Variants in ZIM3 observed in about 807,000 individuals in gnomAD.
The protein encoded by ZIM3 is zinc finger protein 657.
In ZIM3, 11 loss-of-function variants were observed where a neutral mutation model predicts 12.9. That is an observed-to-expected ratio of 0.85 (90% CI 0.54 to 1.41). ZIM3 has a LOEUF of 1.41. Ranked by LOEUF, ZIM3 falls within the 40% of genes most tolerant of loss-of-function variation. ZIM3 has a pLI of 0.00. For missense variants in ZIM3, 604 were observed against 557.2 expected (o/e 1.08, Z -0.85); for synonymous variants, 205 against 198.5 (o/e 1.03, Z -0.28).
rs2086884794 is a variant in ZIM3 at position 57,135,933 on chromosome 19, G to T, written c.404C>A (p.Ser135Tyr). The part of the protein sequence containing the change: ...KILPLGIDDV[S>Y]SLQHYVQNNS... Reference sequence around the variant, plus strand: ...ATTTTGTACATAGTGTTGCAAGGAAGATACATCATCTATGCCCAGTGGAAG... The same window carrying T: ...ATTTTGTACATAGTGTTGCAAGGAATATACATCATCTATGCCCAGTGGAAG... The change falls in exon 5 of 5, where the codon TCT becomes TAT. Residue 135 changes from serine (S) to tyrosine (Y), a missense_variant. By Grantham distance (144) the Ser-to-Tyr change is moderately radical (BLOSUM62 -2). Coordinates refer to ENST00000269834, the MANE Select transcript of ZIM3 (RefSeq NM_052882.1). The T allele has an allele frequency of 3.7e-6, 6 of 1,614,018 alleles. No individual in the cohort carries two copies. The highest frequency in any genetic ancestry group is 1.3e-5 in the African/African-American group (1 of 74,926).
chr19:57,144,058 T>TTTTA (rs1292003460), intron 1 of ZIM3, among the ~76,000 whole-genome samples: 1 of 151,918 alleles, frequency 6.6e-6, no homozygotes, highest in Non-Finnish European at 1.5e-5. Context: ...TTATTTTTTA[T>TTTTA]TTTATTTTAT....
chr19:57,143,023 G>A (rs986881628), intron 1 of ZIM3, among the ~76,000 whole-genome samples: 1 of 151,866 alleles, frequency 6.6e-6, no homozygotes, highest in African/African-American at 2.4e-5. Context: ...GTGAAACCCC[G>A]TCTCTACTAA....
intron 4 of ZIM3, among the ~76,000 whole-genome samples, chr19:57,136,445 C>T (rs1389062446): frequency 6.6e-6 from 1 of 151,676 alleles, no homozygotes; most frequent in African/African-American, 2.4e-5. Flanking sequence ...GGTGGATTGC[C>T]TGAGGTCGGG....
rs1158288853 is a variant in ZIM3 at position 57,135,104 on chromosome 19, T to C, written c.1233A>G (p.Lys411=). The change falls in exon 5 of 5, where the codon AAA becomes AAG. Residue 411 remains lysine (K), a synonymous_variant. Transcript: ENST00000269834. ...FQKSNLHSHQ[K]THSGERTYRC... ...TATAGGTCCTCTCTCCGCTATGAGT[T>C]TTCTGATGGCTATGAAGGTTTGACT... 5 of 1,614,222 alleles carry C rather than the reference T, an allele frequency of 3.1e-6. No individual in the cohort carries two copies. The highest frequency in any genetic ancestry group is 1.1e-5 in the South Asian group (1 of 91,080).
At chr19:57,136,216 A>G (rs976989897) in intron 4 of ZIM3, 121 bp from the exon 5 acceptor site, 9 of 872,804 alleles carry the variant, frequency 1.0e-5, no homozygotes, top group African/African-American at 5.1e-5. Context: ...TCTACGAGAA[A>G]CCAAAGTTAA....
At position 57,135,394 on chromosome 19, in the gene ZIM3, C is replaced by T. The variant is rs760603784; in HGVS notation, c.943G>A (p.Ala315Thr). ...KPFQCTDCGK[A>T]FIYKSDLVKH... ...ACAAGATCTGACTTGTAAATGAAAG[C>T]CTTTCCACAGTCCGTACATTGAAAG... The change falls in exon 5 of 5, where the codon GCT (alanine) becomes ACT (threonine). Residue 315 changes from alanine to threonine, a missense_variant. Transcript: ENST00000269834. The T allele has an allele frequency of 5.0e-6, 8 of 1,613,838 alleles. No individual in the cohort carries two copies. The highest frequency in any genetic ancestry group is 6.8e-6 in the Non-Finnish European group (8 of 1,179,936).
Position 57,135,952 on chromosome 19 carries a change from G to A in ZIM3, c.385C>T (p.Leu129=). Residue 129 remains leucine, a synonymous_variant, in exon 5 of 5, where the codon CTG becomes TTG. Coordinates refer to ENST00000269834, the MANE Select transcript of ZIM3 (RefSeq NM_052882.1). ...AAGGAAGATACATCATCTATGCCCA[G>A]TGGAAGTATTTTCTTAGATCCGTCA... The part of the protein sequence containing the change: ...ECDGSKKILP[L]GIDDVSSLQH... 6.2e-7 allele frequency: 1 copy of A among 1,614,142 alleles called. No homozygotes were observed. Among genetic ancestry groups the A allele is most frequent in the South Asian group, 1.1e-5 (1 of 91,078 alleles).
At chr19:57,138,918 T>C (rs753485353) in intron 2 of ZIM3, among the ~76,000 whole-genome samples, 5 of 152,192 alleles carry the variant, frequency 3.3e-5, no homozygotes, top group Non-Finnish European at 5.9e-5. Flanking sequence ...AGGCCGAGTA[T>C]GGTGGCTCAC....
At position 57,135,793 on chromosome 19, in the gene ZIM3, G is replaced by A; in HGVS notation, c.544C>T (p.Leu182Phe). 1 of 1,614,022 alleles carries A rather than the reference G, an allele frequency of 6.2e-7. No individual in the cohort carries two copies. Among genetic ancestry groups the A allele is most frequent in the Non-Finnish European group, 8.5e-7 (1 of 1,179,992 alleles). ...CRKLFSSKSR[L>F]QSHLRRHACQ... ...GCATGCCTCCTCAGGTGACTTTGAA[G>A]GCGTGACTTTGAACTGAATAACTTT... The change falls in exon 5 of 5, where the codon CTT (leucine) becomes TTT (phenylalanine). Residue 182 changes from leucine (L) to phenylalanine (F), a missense_variant. Leu to Phe is a conservative substitution (Grantham distance 22). Coordinates refer to ENST00000269834, the MANE Select transcript of ZIM3 (RefSeq NM_052882.1).
intron 4 of ZIM3, among the ~76,000 whole-genome samples, chr19:57,136,668 A>G (rs2086888393): frequency 1.3e-5 from 1 of 77,352 alleles, no homozygotes; most frequent in African/African-American, 6.0e-5. Context: ...TCCAGAAAAA[A>G]AAAAAAAAGA....
In ZIM3 at chr19:57,138,128, G is replaced by C. The variant is rs1599922532; in HGVS notation, c.142+344C>G. Among the ~76,000 whole-genome samples the C allele has an allele frequency of 1.5e-5, 2 of 137,030 alleles. 1 individual carries two copies. The highest frequency in any genetic ancestry group is 4.7e-4 in the South Asian group (2 of 4,218). The allele number at this position is 137,030 out of a possible 152,430, so 89.9% of individuals were successfully genotyped here. The stretch of plus-strand genomic sequence containing the variant: ...GGAAGGAGGCAGGGAGGGAGGGAGG[G>C]AGGGAGGGAGGGAAGGAAGGGAAAG... On this transcript the variant is annotated intron_variant, in intron 3 of 4. Coordinates refer to ENST00000269834, the MANE Select transcript of ZIM3 (RefSeq NM_052882.1).
intron 1 of ZIM3, among the ~76,000 whole-genome samples, chr19:57,143,463 C>A (rs1284031099): frequency 1.3e-5 from 2 of 152,100 alleles, no homozygotes; most frequent in Non-Finnish European, 2.9e-5. Context: ...AGAGCAGAAA[C>A]CATGAATCCT....
chr19:57,138,939 C>T (rs2086901792), intron 2 of ZIM3, among the ~76,000 whole-genome samples: 1 of 152,144 alleles, frequency 6.6e-6, no homozygotes, highest in South Asian at 2.1e-4. Context: ...ACCTATCATC[C>T]CAACATTTTG....
chr19:57,136,903 C>T lies in ZIM3; in HGVS notation c.211G>A (p.Glu71Lys). The stretch of plus-strand genomic sequence containing the variant: ...CGGCCACTTCCCAGCACTTCCTCTT[C>T]CTCCAACCATGGCTCCTTTCCTTGT... ...LEQGKEPWLE[E>K]EEVLGSGRAE... The change falls in exon 4 of 5, where the codon GAA becomes AAA. Residue 71 changes from glutamate (E) to lysine (K), a missense_variant. Glu to Lys is a moderately conservative substitution (Grantham distance 56). Transcript: ENST00000269834. 1 of 1,614,150 alleles carries T rather than the reference C, an allele frequency of 6.2e-7. No homozygotes were observed. Among genetic ancestry groups the T allele is most frequent in the Non-Finnish European group, 8.5e-7 (1 of 1,180,026 alleles).
rs767825808 is a variant in ZIM3 at position 57,135,538 on chromosome 19, T to A, written c.799A>T (p.Ile267Phe). The A allele has an allele frequency of 6.2e-7, 1 of 1,613,932 alleles. No individual in the cohort carries two copies. The highest frequency in any genetic ancestry group is 2.2e-5 in the East Asian group (1 of 44,868). ...GCATTATGAATTTTCTCATGATTAA[T>A]GCAGGATGATTTCCAGGAAAAGGCT... ...GKAFSWKSSC[I>F]NHEKIHNAKK... Residue 267 changes from isoleucine to phenylalanine, a missense_variant, in exon 5 of 5, where the codon ATT becomes TTT. By Grantham distance (21) the Ile-to-Phe change is conservative. Coordinates refer to ENST00000269834, the MANE Select transcript of ZIM3 (RefSeq NM_052882.1).
rs748510044 is a variant in ZIM3 at position 57,135,154 on chromosome 19, T to G, written c.1183A>C (p.Arg395=). ...HTGEKPYECN[R]CGKAFFQKSN... is the part of the protein sequence containing the mutation. ...TTCTGAAAGAAGGCTTTTCCACATCTGTTACATTCATAGGGCTTTTCCCCA... is the reference window on the plus strand; with the variant it reads ...TTCTGAAAGAAGGCTTTTCCACATCGGTTACATTCATAGGGCTTTTCCCCA... Residue 395 remains arginine, a synonymous_variant, in exon 5 of 5, where the codon AGA becomes CGA. Transcript: ENST00000269834. The G allele has an allele frequency of 1.2e-6, 2 of 1,614,230 alleles. No individual in the cohort carries two copies. Among genetic ancestry groups the G allele is most frequent in the Non-Finnish European group, 1.7e-6 (2 of 1,180,036 alleles).
In ZIM3 at chr19:57,136,967, T is replaced by A. The variant is rs2086889979; in HGVS notation, c.147A>T (p.Gln49His). The change falls in exon 4 of 5, where the codon CAA (glutamine) becomes CAT (histidine). Residue 49 changes from glutamine (Q) to histidine (H), a missense_variant. Physicochemically the swap from Gln to His is conservative, Grantham distance 24 (BLOSUM62 0). Transcript: ENST00000269834. ...TCACATCGGGTTTGGTGGTTTCCCC[T>A]TGTCCTGTGATGGAAGATACCGCAA... is the stretch of plus-strand genomic sequence containing the variant. ...ENYSNLVSVGQGETTKPDVIL... is the reference protein window; with the variant it reads ...ENYSNLVSVGHGETTKPDVIL... The A allele has an allele frequency of 6.2e-7, 1 of 1,614,066 alleles. No homozygotes were observed.
chr19:57,143,331 A>AG (rs1568460139), intron 1 of ZIM3, among the ~76,000 whole-genome samples: 1 of 136,062 alleles, frequency 7.3e-6, no homozygotes, highest in African/African-American at 2.8e-5. Context: ...ACTCCGTCCC[A>AG]AAAAAAAAAA....
At position 57,136,089 on chromosome 19, in the gene ZIM3, T is replaced by A. The variant is rs201543198; in HGVS notation, c.248A>T (p.Asn83Ile). 3.2e-5 allele frequency: 51 copies of A among 1,598,928 alleles called. No homozygotes were observed. The African/African-American group carries it at 6.4e-4, about 20-fold the overall frequency. ...CCAAATCTGCCCTCCAATGTCCCCA[T>A]TTTTTTCTAAAATGGAATACAAAAA... is the stretch of plus-strand genomic sequence containing the variant. ...EVLGSGRAEK[N>I]GDIGGQIWKP... The change falls in exon 5 of 5, where the codon AAT becomes ATT. Residue 83 changes from asparagine (N) to isoleucine (I), a missense_variant. Physicochemically the swap from Asn to Ile is moderately radical, Grantham distance 149. Coordinates refer to ENST00000269834, the MANE Select transcript of ZIM3 (RefSeq NM_052882.1).
Sources: allele counts gnomAD v4.1 joint callset (sites outside exome capture counted in the v4.1 genomes callset), GRCh38; gene constraint gnomAD v4.1.1; transcripts MANE v1.5; gene names NCBI Gene and HGNC (gene_info 2026-07-23, HGNC 2026-07-21).